RTN4IP1: variants seen among roughly 807,000 people sequenced by gnomAD.
RTN4IP1 encodes the protein NAD(P)H oxidoreductase RTN4IP1, mitochondrial.
Under a neutral mutation model 46.6 loss-of-function variants are expected in RTN4IP1, and 32 were observed. The observed-to-expected ratio is 0.69, with a 90% CI of 0.52 to 0.92. The LOEUF (loss-of-function observed/expected upper bound fraction) is 0.92, where lower values mean the gene tolerates loss of function less well. RTN4IP1 is among the 40% of genes least tolerant of loss of function. The pLI, the probability that RTN4IP1 is intolerant of heterozygous loss-of-function variation, is 0.00. For missense variants in RTN4IP1, 424 were observed against 485.8 expected (o/e 0.87, Z 1.20); for synonymous variants, 167 against 161.8 (o/e 1.03, Z -0.24).
intron 5 of RTN4IP1, among the ~76,000 whole-genome samples, chr6:106,600,652 C>T (rs1264898349): frequency 6.6e-6 from 1 of 151,860 alleles, no homozygotes; most frequent in Non-Finnish European, 1.5e-5. Flanking sequence ...TCTAAACATA[C>T]GATATAAATG....
At chr6:106,619,403 C>A (rs1250965387) in intron 3 of RTN4IP1, 77 bp from the exon 4 acceptor site, 3 of 1,536,978 alleles carry the variant, frequency 2.0e-6, no homozygotes, top group Admixed American at 1.8e-5. Context: ...TTTACCTTCA[C>A]AGGAATCCAG....
chr6:106,629,778 T>TG, upstream of RTN4IP1: 1 of 1,549,374 alleles, frequency 6.5e-7, no homozygotes, highest in South Asian at 1.2e-5. Context: ...AAAGAGTCCC[T>TG]GGGCCTTACC....
chr6:106,606,374 C>A (rs955791714), intron 4 of RTN4IP1, among the ~76,000 whole-genome samples: 2 of 152,086 alleles, frequency 1.3e-5, no homozygotes, highest in Non-Finnish European at 2.9e-5. Context: ...GAGCTAAGAT[C>A]GTGCCACTGC....
At chr6:106,591,733 T>C (rs574951735) in intron 6 of RTN4IP1, among the ~76,000 whole-genome samples, 1 of 152,200 alleles carries the variant, frequency 6.6e-6, no homozygotes, top group East Asian at 1.9e-4. Context: ...AGTGCTCCCA[T>C]TACCAAGATT....
intron 5 of RTN4IP1, among the ~76,000 whole-genome samples, chr6:106,600,719 T>C (rs1775924904): frequency 6.6e-6 from 1 of 152,114 alleles, no homozygotes; most frequent in African/African-American, 2.4e-5. Context: ...TAGCATGTTT[T>C]GAAGATTCAT....
chr6:106,578,413 G>C (rs1775279405), intron 8 of RTN4IP1, among the ~76,000 whole-genome samples: 1 of 152,158 alleles, frequency 6.6e-6, no homozygotes, highest in Admixed American at 6.6e-5. Context: ...CAGTCTGTGA[G>C]TATGCTATTC....
At chr6:106,621,121 T>C (rs770361926) in intron 3 of RTN4IP1, among the ~76,000 whole-genome samples, 2 of 152,298 alleles carry the variant, frequency 1.3e-5, no homozygotes, top group South Asian at 2.1e-4. Context: ...GACTAATCCA[T>C]CCTCTCTACT....
At chr6:106,579,668 G>C (rs1002157910) in intron 8 of RTN4IP1, among the ~76,000 whole-genome samples, 1 of 152,124 alleles carries the variant, frequency 6.6e-6, no homozygotes, top group African/African-American at 2.4e-5. Context: ...CAGATTGACA[G>C]AGAGTGCTCA....
chr6:106,616,262 G>C lies in RTN4IP1; in HGVS notation c.620+2940C>G, dbSNP rs779281506. ...ATATCAATGTGTGGACAAAATGACAGTATTATATGACATCAAGAATAAACT... is the reference window on the plus strand; with the variant it reads ...ATATCAATGTGTGGACAAAATGACACTATTATATGACATCAAGAATAAACT... On this transcript the variant is annotated intron_variant, in intron 4 of 8. Coordinates refer to ENST00000369063, the MANE Select transcript of RTN4IP1 (RefSeq NM_032730.5). Among the ~76,000 whole-genome samples, 90 of 152,136 alleles carry C rather than the reference G, an allele frequency of 5.9e-4. 2 individuals are homozygous for C. The highest frequency in any genetic ancestry group is 5.4e-4 in the Non-Finnish European group (37 of 68,018).
intron 4 of RTN4IP1, chr6:106,607,773 C>T (rs1177246634): frequency 6.6e-6 from 1 of 152,036 alleles, no homozygotes; most frequent in Non-Finnish European, 1.5e-5. Context: ...TTAGCATGGT[C>T]CCTGAGCAAG....
Position 106,619,606 on chromosome 6 carries a change from ATTT to A in RTN4IP1, c.496-283_496-281del, listed in dbSNP as rs869120910. Among the ~76,000 whole-genome samples, 551 of 110,416 alleles carry A rather than the reference ATTT, an allele frequency of 5.0e-3. 1 individual carries two copies. Among genetic ancestry groups the A allele is most frequent in the African/African-American group, 0.019 (533 of 28,396 alleles). 72.4% of individuals were successfully genotyped at this position (110,416 alleles called of 152,430 possible). On this transcript the variant is annotated intron_variant, in intron 3 of 8. Transcript: ENST00000369063. ...ATGAATAGTAAGTATACTTTTCTTC[ATTT>A]TTTTTTTTTTTTTTTTTTTTGAGAC...
intron 4 of RTN4IP1, 92 bp downstream of exon 4, chr6:106,619,110 A>G (rs1016796471): frequency 1.1e-4 from 154 of 1,386,394 alleles, no homozygotes; most frequent in East Asian, 1.8e-4. Flanking sequence ...TGTAAATGAT[A>G]CTAAATTTCA....
chr6:106,603,119 G>A (rs1254120957), intron 4 of RTN4IP1, among the ~76,000 whole-genome samples, 197 bp from the exon 5 acceptor site: 3 of 152,112 alleles, frequency 2.0e-5, no homozygotes. Context: ...TTAAAATAAA[G>A]ACATTCTATG....
At chr6:106,573,825 G>C (rs962833423) in intron 8 of RTN4IP1, among the ~76,000 whole-genome samples, 2 of 152,196 alleles carry the variant, frequency 1.3e-5, no homozygotes, top group African/African-American at 2.4e-5. Context: ...GCCAAGGACT[G>C]TAAGGATTTA....
intron 4 of RTN4IP1, among the ~76,000 whole-genome samples, chr6:106,618,496 A>G (rs1776404824): frequency 6.6e-6 from 1 of 152,208 alleles, no homozygotes; most frequent in Non-Finnish European, 1.5e-5. Flanking sequence ...CACGTGCCAT[A>G]AACTGTGTCA....
rs141164177 is a variant in RTN4IP1 at position 106,605,263 on chromosome 6, G to A, written c.621-2341C>T. 7.8e-4 allele frequency among the ~76,000 whole-genome samples: 119 copies of A among 151,742 alleles called. 1 individual carries two copies. The highest frequency in any genetic ancestry group is 2.3e-3 in the African/African-American group (94 of 41,356). Reference sequence around the variant, plus strand: ...ATCCTGGCCAACATAGTGAAACCCCGTCTCTATTAAAAATACAAAAATTAG... The same window carrying A: ...ATCCTGGCCAACATAGTGAAACCCCATCTCTATTAAAAATACAAAAATTAG... On this transcript the variant is annotated intron_variant, in intron 4 of 8. Coordinates refer to ENST00000369063, the MANE Select transcript of RTN4IP1 (RefSeq NM_032730.5).
chr6:106,606,228 C>T (rs1017162842), intron 4 of RTN4IP1, among the ~76,000 whole-genome samples: 2 of 152,236 alleles, frequency 1.3e-5, no homozygotes, highest in East Asian at 3.9e-4. Flanking sequence ...TCAAGACCAG[C>T]CTGGCCAACA....
intron 4 of RTN4IP1, among the ~76,000 whole-genome samples, chr6:106,614,380 T>G (rs995589676): frequency 6.6e-6 from 1 of 152,204 alleles, no homozygotes; most frequent in Non-Finnish European, 1.5e-5. Context: ...TGGTAAGTGT[T>G]GTTTTGCTCA....
At chr6:106,586,080 A>G (rs1775477369) in intron 7 of RTN4IP1, among the ~76,000 whole-genome samples, 1 of 152,192 alleles carries the variant, frequency 6.6e-6, no homozygotes, top group South Asian at 2.1e-4. Context: ...TATTACCCAT[A>G]ATATTTCATA....
Sources: allele counts gnomAD v4.1 joint callset (sites outside exome capture counted in the v4.1 genomes callset), GRCh38; gene constraint gnomAD v4.1.1; transcripts MANE v1.5; gene names NCBI Gene and HGNC (gene_info 2026-07-23, HGNC 2026-07-21).